NAV2: variants seen among roughly 807,000 people sequenced by gnomAD.
The protein encoded by NAV2 is neuron navigator 2, also known as helicase, APC down-regulated 1.
NAV2 carries 54 observed loss-of-function variants against 223.2 expected under a neutral mutation model. That is an observed-to-expected ratio of 0.24 (90% CI 0.19 to 0.30). The LOEUF is 0.30. Among genes scored for constraint, NAV2 ranks in the 10% least tolerant of loss-of-function variants. The pLI, the probability that NAV2 is intolerant of heterozygous loss-of-function variation, is 1.00. For synonymous variants in NAV2, 1,279 were observed against 1,239.3 expected (o/e 1.03, Z -0.67); for missense variants, 2,806 against 3,147.5 (o/e 0.89, Z 2.60).
At chr11:19,959,652 C>T (rs1418746993) in intron 10 of NAV2, among the ~76,000 whole-genome samples, 4 of 152,164 alleles carry the variant, frequency 2.6e-5, no homozygotes, top group Non-Finnish European at 5.9e-5. Flanking sequence ...GCGCATCGTG[C>T]AGGATAAAAG....
chr11:19,834,918 A>G (rs1317084928), intron 2 of NAV2, among the ~76,000 whole-genome samples: 1 of 152,202 alleles, frequency 6.6e-6, no homozygotes, highest in Non-Finnish European at 1.5e-5. Flanking sequence ...CATAAGTTTG[A>G]AATCTATGGC....
At chr11:19,501,180 T>C (rs1203397862) in intron 1 of NAV2, among the ~76,000 whole-genome samples, 2 of 152,214 alleles carry the variant, frequency 1.3e-5, no homozygotes, top group African/African-American at 4.8e-5. Flanking sequence ...TTCTCCACTT[T>C]TATGGATTCG....
chr11:19,772,446 T>C (rs1294185658), intron 1 of NAV2, among the ~76,000 whole-genome samples: 1 of 152,184 alleles, frequency 6.6e-6, no homozygotes, highest in Non-Finnish European at 1.5e-5. Flanking sequence ...TTTTCAGTAT[T>C]GCTGTGATGA....
chr11:19,416,937 A>G (rs908726171), intron 1 of NAV2, among the ~76,000 whole-genome samples: 14 of 152,344 alleles, frequency 9.2e-5, no homozygotes, highest in African/African-American at 2.9e-4. Flanking sequence ...CCTTATACAA[A>G]CATTAACTCA....
At chr11:20,036,273 A>C (rs2056365344) in intron 12 of NAV2, among the ~76,000 whole-genome samples, 176 bp downstream of exon 12, 1 of 152,116 alleles carries the variant, frequency 6.6e-6, no homozygotes, top group African/African-American at 2.4e-5. Flanking sequence ...TCCACAAGGG[A>C]GGGGTCAGGC....
intron 1 of NAV2, among the ~76,000 whole-genome samples, chr11:19,658,515 T>G (rs1455210799): frequency 6.6e-6 from 1 of 152,176 alleles, no homozygotes; most frequent in Non-Finnish European, 1.5e-5. Flanking sequence ...CCAGCCATAG[T>G]ATCAGATCCA....
At chr11:19,512,428 A>G (rs1463720110) in intron 1 of NAV2, among the ~76,000 whole-genome samples, 1 of 152,212 alleles carries the variant, frequency 6.6e-6, no homozygotes, top group Non-Finnish European at 1.5e-5. Context: ...CGAGGTGCCA[A>G]CTACCAATGG....
chr11:19,490,562 G>T (rs910224854), intron 1 of NAV2, among the ~76,000 whole-genome samples: 4 of 152,174 alleles, frequency 2.6e-5, no homozygotes, highest in African/African-American at 9.7e-5. Flanking sequence ...TTGTGAGATT[G>T]CAGCAATTCA....
chr11:20,005,812 G>T (rs181051007), intron 11 of NAV2, among the ~76,000 whole-genome samples: 2 of 152,340 alleles, frequency 1.3e-5, no homozygotes, highest in East Asian at 3.9e-4. Flanking sequence ...AGGTCGGACA[G>T]CTGGGTAAGC....
intron 1 of NAV2, among the ~76,000 whole-genome samples, chr11:19,822,393 T>C (rs1297648717): frequency 6.6e-6 from 1 of 152,236 alleles, no homozygotes; most frequent in Non-Finnish European, 1.5e-5. Flanking sequence ...GAGCAAGCAT[T>C]GCCCCCTGCA....
At chr11:19,387,582 G>C (rs1483335520) in intron 1 of NAV2, among the ~76,000 whole-genome samples, 1 of 152,138 alleles carries the variant, frequency 6.6e-6, no homozygotes, top group East Asian at 1.9e-4. Context: ...GACAGGAAGG[G>C]ATTGAGTAGT....
intron 1 of NAV2, among the ~76,000 whole-genome samples, chr11:19,736,933 T>G (rs981001737): frequency 2.0e-5 from 3 of 152,224 alleles, no homozygotes; most frequent in Non-Finnish European, 4.4e-5. Context: ...AAAAAAAAAC[T>G]TATTGCCAAA....
chr11:20,074,571 T>A (rs954712224), intron 22 of NAV2, among the ~76,000 whole-genome samples: 22 of 152,064 alleles, frequency 1.4e-4, no homozygotes, highest in Non-Finnish European at 2.5e-4. Flanking sequence ...GGAGTCTAAG[T>A]CTCTTTGTAG....
chr11:19,827,715 T>A (rs933454218), intron 1 of NAV2, among the ~76,000 whole-genome samples: 2 of 151,460 alleles, frequency 1.3e-5, no homozygotes, highest in African/African-American at 4.9e-5. Flanking sequence ...TTATTATTTT[T>A]TTAATTTTAA....
At chr11:19,520,572 G>A (rs1224186623) in intron 1 of NAV2, among the ~76,000 whole-genome samples, 4 of 152,164 alleles carry the variant, frequency 2.6e-5, no homozygotes, top group Admixed American at 1.3e-4. Context: ...CAAGCTCTAT[G>A]CAAATGCTGT....
intron 11 of NAV2, among the ~76,000 whole-genome samples, chr11:20,035,482 C>T (rs1243476072): frequency 6.6e-6 from 1 of 152,134 alleles, no homozygotes; most frequent in Non-Finnish European, 1.5e-5. Context: ...ACTGTTGCCG[C>T]TCTCCCTCGC....
chr11:19,665,937 GTCATCA>G (rs530657977), intron 1 of NAV2, among the ~76,000 whole-genome samples: 1 of 151,652 alleles, frequency 6.6e-6, no homozygotes, highest in Non-Finnish European at 1.5e-5. Context: ...CATCATCATC[GTCATCA>G]TCATCATCAT....
intron 1 of NAV2, chr11:19,759,961 C>T (rs1378944493): frequency 2.6e-5 from 4 of 154,314 alleles, no homozygotes; most frequent in Admixed American, 2.0e-4. Context: ...CTCAGCCCTC[C>T]ATAGCATCCT....
chr11:19,667,519 G>A (rs2048449299), intron 1 of NAV2, among the ~76,000 whole-genome samples: 2 of 152,180 alleles, frequency 1.3e-5, no homozygotes, highest in African/African-American at 2.4e-5. Context: ...GGTGTGTTGT[G>A]GGGCCCAGGG....
Sources: gnomAD v4.1 joint callset for allele counts (sites outside exome capture counted in the v4.1 genomes callset) on GRCh38, gnomAD v4.1.1 for gene constraint, MANE v1.5 for transcripts, NCBI Gene and HGNC (gene_info 2026-07-23, HGNC 2026-07-21) for gene names.